USP33: variants seen among roughly 807,000 people sequenced by gnomAD.
USP33 encodes the protein ubiquitin specific peptidase 33.
A neutral mutation model predicts 124.2 loss-of-function variants in USP33; 46 were observed. That is an observed-to-expected ratio of 0.37 (90% CI 0.29 to 0.47). The LOEUF (loss-of-function observed/expected upper bound fraction) is 0.47, where lower values mean the gene tolerates loss of function less well. USP33 is among the 20% of genes least tolerant of loss of function. The pLI is 0.99. For synonymous variants in USP33, 350 were observed against 352.3 expected, an observed-to-expected ratio of 0.99 and a Z score of 0.07; for missense variants, 851 against 1,070.6, an observed-to-expected ratio of 0.79 and a Z score of 2.86.
intron 1 of USP33, among the ~76,000 whole-genome samples, chr1:77,746,710 C>T (rs1320797314): frequency 6.6e-6 from 1 of 152,208 alleles, no homozygotes; most frequent in Non-Finnish European, 1.5e-5. Context: ...CCCTGGGATG[C>T]AAGGCTGGTT....
At chr1:77,744,879 G>T (rs1028186657) in intron 1 of USP33, among the ~76,000 whole-genome samples, 4 of 152,142 alleles carry the variant, frequency 2.6e-5, no homozygotes, top group Non-Finnish European at 5.9e-5. Flanking sequence ...AGTGCGACAC[G>T]GTGCTAAGAA....
chr1:77,739,199 C>T, intron 5 of USP33, 66 bp downstream of exon 5: 1 of 1,534,368 alleles, frequency 6.5e-7, no homozygotes, highest in Non-Finnish European at 8.8e-7. Context: ...ATTTCAGCTA[C>T]ATGACAAATT....
intron 21 of USP33, among the ~76,000 whole-genome samples, chr1:77,709,299 A>C (rs1674968540): frequency 6.6e-6 from 1 of 152,146 alleles, no homozygotes; most frequent in African/African-American, 2.4e-5. Context: ...ACTTGAGGCC[A>C]GGAATTAGAG....
At chr1:77,747,789 T>C (rs1240330207) in intron 1 of USP33, among the ~76,000 whole-genome samples, 1 of 152,238 alleles carries the variant, frequency 6.6e-6, no homozygotes, top group East Asian at 1.9e-4. Context: ...ATCTGGAATT[T>C]ATCTTAAGAT....
rs1419357155 is a variant in USP33, at chr1:77,697,848, A to G, written c.2578+15T>C. 1 of 1,598,092 alleles carries G rather than the reference A, an allele frequency of 6.3e-7. No individual in the cohort carries two copies. The highest frequency in any genetic ancestry group is 2.2e-5 in the East Asian group (1 of 44,570). ...ATCACTCACAAGTAAAAGCTTAAAT[A>G]CGAGTCAAACTTACCTTGCCTAAGC... On this transcript the variant is annotated intron_variant, in intron 23 of 23. Coordinates refer to ENST00000370794, the MANE Select transcript of USP33 (RefSeq NM_201624.3).
At chr1:77,707,855 T>C (rs1295761555) in intron 21 of USP33, among the ~76,000 whole-genome samples, 2 of 152,230 alleles carry the variant, frequency 1.3e-5, no homozygotes, top group Non-Finnish European at 2.9e-5. Flanking sequence ...TTCCTTTCAT[T>C]TGACTACTAT....
At chr1:77,702,245 T>C (rs1474159056) in intron 21 of USP33, among the ~76,000 whole-genome samples, 1 of 143,970 alleles carries the variant, frequency 6.9e-6, no homozygotes, top group Non-Finnish European at 1.5e-5. Flanking sequence ...GAATAAACAA[T>C]TCTAGGTTCT....
At chr1:77,744,731 C>T (rs1274068527) in intron 1 of USP33, among the ~76,000 whole-genome samples, 1 of 152,058 alleles carries the variant, frequency 6.6e-6, no homozygotes, top group Non-Finnish European at 1.5e-5. Flanking sequence ...TATAGTCCCA[C>T]CTACTCACGA....
chr1:77,736,166 A>T lies in USP33; in HGVS notation c.352-8T>A, dbSNP rs1678422898. The stretch of plus-strand genomic sequence containing the variant: ...ACTGGGTATTTTAAAATCCTTGATA[A>T]CAAAAAAAGATAGCACACTTGAACA... On this transcript the variant is annotated splice_region_variant and splice_polypyrimidine_tract_variant and intron_variant, in intron 5 of 23. Transcript: ENST00000370794. The T allele has an allele frequency of 6.3e-7, 1 of 1,583,244 alleles. No individual in the cohort carries two copies. The highest frequency in any genetic ancestry group is 1.4e-5 in the African/African-American group (1 of 73,828).
At position 77,696,939 on chromosome 1, in the gene USP33, G is replaced by C. The variant is rs549091595; in HGVS notation, c.*378C>G. ...CTCTACTAAAATACAAAAATTAGCCGGGCATGGTGGCAGGTGCCTGTAATC... is the reference window on the plus strand; with the variant it reads ...CTCTACTAAAATACAAAAATTAGCCCGGCATGGTGGCAGGTGCCTGTAATC... On this transcript the variant is annotated 3_prime_UTR_variant, in exon 24 of 24. Coordinates refer to ENST00000370794, the MANE Select transcript of USP33 (RefSeq NM_201624.3). 1 of 153,724 alleles carries C rather than the reference G, an allele frequency of 6.5e-6. No individual in the cohort carries two copies. Among genetic ancestry groups the C allele is most frequent in the Non-Finnish European group, 1.4e-5 (1 of 69,330 alleles). 9.5% of individuals were successfully genotyped at this position (153,724 alleles called of 1,614,324 possible).
intron 8 of USP33, 148 bp from the exon 9 acceptor site, chr1:77,730,086 G>A: frequency 2.8e-6 from 2 of 702,968 alleles, no homozygotes; most frequent in Non-Finnish European, 4.7e-6. Context: ...ATGTTTCACA[G>A]GCACATCAGA....
rs1678853144 is a variant in USP33 at position 77,739,339 on chromosome 1, C to T, written c.277G>A (p.Asp93Asn). The change falls in exon 5 of 24, where the codon GAT (aspartate) becomes AAT (asparagine). Residue 93 changes from aspartate to asparagine, a missense_variant. Around this residue, in one of 4 missense-constraint regions of USP33, gnomAD observed 221 missense variants for 302.9 expected, o/e 0.73. Coordinates refer to ENST00000370794, the MANE Select transcript of USP33 (RefSeq NM_201624.3). Reference sequence around the variant, plus strand: ...GAAGGCTGAGTTCCTAATTTCCTATCCAAAAATACTTCTTTGCTGCAAGCA... The same window carrying T: ...GAAGGCTGAGTTCCTAATTTCCTATTCAAAAATACTTCTTTGCTGCAAGCA... ...CYACSKEVFL[D>N]RKLGTQPSLP... The T allele has an allele frequency of 6.2e-7, 1 of 1,613,776 alleles. No homozygotes were observed. The highest frequency in any genetic ancestry group is 2.2e-5 in the East Asian group (1 of 44,822).
At chr1:77,718,705 C>CAA (rs1676199656) in intron 15 of USP33, 64 bp from the exon 16 acceptor site, 3 of 1,306,806 alleles carry the variant, frequency 2.3e-6, no homozygotes, top group Non-Finnish European at 3.3e-6. Flanking sequence ...AAATTTGCAA[C>CAA]AAAAATCTTT....
chr1:77,740,215 T>C (rs1006847067), intron 4 of USP33, among the ~76,000 whole-genome samples: 3 of 152,222 alleles, frequency 2.0e-5, no homozygotes, highest in African/African-American at 4.8e-5. Flanking sequence ...GTTAGGACTA[T>C]GTGCAGGAAA....
intron 1 of USP33, among the ~76,000 whole-genome samples, chr1:77,755,627 G>A (rs1174126693): frequency 1.3e-5 from 2 of 152,238 alleles, no homozygotes; most frequent in African/African-American, 2.4e-5. Context: ...GAACGCAGGA[G>A]GTGGAGGTTG....
intron 17 of USP33, 122 bp from the exon 18 acceptor site, chr1:77,715,990 A>ATT: frequency 1.9e-6 from 2 of 1,077,858 alleles, no homozygotes; most frequent in Non-Finnish European, 2.5e-6. Context: ...TTATGCTTGT[A>ATT]TTTTTTTTTC....
chr1:77,734,288 T>C, intron 7 of USP33, 59 bp downstream of exon 7: 1 of 1,341,088 alleles, frequency 7.5e-7, no homozygotes, highest in Non-Finnish European at 1.0e-6. Context: ...CAAGGTTTTC[T>C]GCTCAAAAAA....
chr1:77,730,316 TC>T (rs1228489426), intron 8 of USP33, among the ~76,000 whole-genome samples: 1 of 152,216 alleles, frequency 6.6e-6, no homozygotes, highest in East Asian at 1.9e-4. Flanking sequence ...TCTGATTTTA[TC>T]ATTGTGAGAA....
At chr1:77,724,753 T>C (rs1216909604) in intron 11 of USP33, among the ~76,000 whole-genome samples, 1 of 152,150 alleles carries the variant, frequency 6.6e-6, no homozygotes, top group Non-Finnish European at 1.5e-5. Context: ...AACAGTGGTA[T>C]ACCCATAAAA....
Sources: gnomAD v4.1 joint callset for allele counts (sites outside exome capture counted in the v4.1 genomes callset) on GRCh38, gnomAD v4.1.1 for gene constraint, gnomAD v4.1.1 regional missense constraint, MANE v1.5 for transcripts, NCBI Gene and HGNC (gene_info 2026-07-23, HGNC 2026-07-21) for gene names.